Variants in ATP2C1 observed in about 807,000 individuals in gnomAD.
ATP2C1 encodes calcium-transporting ATPase type 2C member 1.
ATP2C1 carries 31 observed loss-of-function variants against 120.5 expected under a neutral mutation model. That is an observed-to-expected ratio of 0.26 (90% CI 0.19 to 0.35). The LOEUF (loss-of-function observed/expected upper bound fraction) is 0.35. ATP2C1 is among the 10% of genes least tolerant of loss of function. ATP2C1 has a pLI of 1.00. For synonymous variants in ATP2C1, 351 were observed against 358.7 expected (o/e 0.98, Z 0.24); for missense variants, 731 against 1,107.5 (o/e 0.66, Z 4.83).
chr3:130,923,962 T>C (rs762855325), intron 2 of ATP2C1, among the ~76,000 whole-genome samples: 1 of 152,068 alleles, frequency 6.6e-6, no homozygotes, highest in Non-Finnish European at 1.5e-5. Flanking sequence ...TGTGAGTCCT[T>C]CTGTGTTAGG....
intron 2 of ATP2C1, among the ~76,000 whole-genome samples, chr3:130,900,592 T>A (rs2057772916): frequency 6.6e-6 from 1 of 152,178 alleles, no homozygotes; most frequent in South Asian, 2.1e-4. Flanking sequence ...AATATGTAAA[T>A]GTGTTTTTTT....
At chr3:130,867,019 TGATG>T (rs893964235) in intron 1 of ATP2C1, among the ~76,000 whole-genome samples, 5 of 152,338 alleles carry the variant, frequency 3.3e-5, no homozygotes, top group African/African-American at 1.2e-4. Flanking sequence ...ATATCTGTTA[TGATG>T]ACCTGTGGTA....
Position 130,894,667 on chromosome 3 carries a change from G to A in ATP2C1, c.-103G>A, listed in dbSNP as rs1023383513. 5.0e-6 allele frequency: 8 copies of A among 1,610,876 alleles called. No individual in the cohort carries two copies. Among genetic ancestry groups the A allele is most frequent in the Non-Finnish European group, 5.9e-6 (7 of 1,177,930 alleles). ...GGGGTGACAGCCTGGGATTCCGGGG[G>A]CTTCTCTTCCTTGTCCTCCTCCTCT... On this transcript the variant is annotated 5_prime_UTR_variant, in exon 2 of 28. Coordinates refer to ENST00000510168, the MANE Select transcript of ATP2C1 (RefSeq NM_001378687.1). This position sits in a 1 kb window ranked among gnomAD's most constrained non-coding sequence, Gnocchi z 4.5.
chr3:130,894,165 C>CCCCAA lies in ATP2C1; in HGVS notation c.-352_-351insCCAAC. The stretch of plus-strand genomic sequence containing the variant: ...CCTCTTCTCTCCCCTCCCCGCCCGC[C>CCCCAA]CTCTCTCCCTCCCTTCCTCCCTCCC... On this transcript the variant is annotated 5_prime_UTR_variant, in exon 1 of 28. Coordinates refer to ENST00000510168, the MANE Select transcript of ATP2C1 (RefSeq NM_001378687.1). The surrounding 1 kb of genome is among the most constrained non-coding windows in gnomAD (Gnocchi z 4.5). 1 of 826,310 alleles carries CCCCAA rather than the reference C, an allele frequency of 1.2e-6. No individual in the cohort carries two copies. The highest frequency in any genetic ancestry group is 1.5e-6 in the Non-Finnish European group (1 of 684,816). 51.2% of individuals were successfully genotyped at this position (826,310 alleles called of 1,614,324 possible).
At chr3:130,968,284 A>T (rs939411241) in intron 16 of ATP2C1, among the ~76,000 whole-genome samples, 8 of 152,200 alleles carry the variant, frequency 5.3e-5, no homozygotes, top group African/African-American at 1.9e-4. Flanking sequence ...GCTTATAAAG[A>T]TATTAGTTTC....
intron 17 of ATP2C1, among the ~76,000 whole-genome samples, chr3:130,972,934 T>C (rs2061394001): frequency 6.6e-6 from 1 of 151,242 alleles, no homozygotes; most frequent in African/African-American, 2.4e-5. Flanking sequence ...TAGAGAAAGG[T>C]AGTGGCAGAT....
intron 17 of ATP2C1, among the ~76,000 whole-genome samples, chr3:130,970,916 C>G (rs2061283789): frequency 5.3e-5 from 8 of 152,012 alleles, no homozygotes; most frequent in Admixed American, 5.2e-4. Context: ...CTTCCAGGAA[C>G]TATGTTCATG....
chr3:130,886,961 T>G (rs142403667), intron 1 of ATP2C1, among the ~76,000 whole-genome samples: 1 of 152,312 alleles, frequency 6.6e-6, no homozygotes, highest in East Asian at 1.9e-4. Flanking sequence ...TGGACTTGTT[T>G]GTGCCCATCC....
At chr3:130,974,420 C>T (rs967651898) in intron 17 of ATP2C1, among the ~76,000 whole-genome samples, 1 of 152,312 alleles carries the variant, frequency 6.6e-6, no homozygotes, top group East Asian at 1.9e-4. Context: ...AAATTGTGCA[C>T]TGGCACCTAC....
chr3:131,008,003 G>C (rs540779414), downstream of ATP2C1, among the ~76,000 whole-genome samples: 3 of 152,324 alleles, frequency 2.0e-5, no homozygotes, highest in South Asian at 6.2e-4. Flanking sequence ...GATTGCATTA[G>C]ATTTTGTAAG....
intron 1 of ATP2C1, among the ~76,000 whole-genome samples, chr3:130,854,574 C>T (rs1053844777): frequency 6.6e-6 from 1 of 152,172 alleles, no homozygotes; most frequent in African/African-American, 2.4e-5. Flanking sequence ...TCAAGCGGGA[C>T]ACTGAGTGTG....
chr3:130,986,184 C>CTTT (rs34877609), intron 20 of ATP2C1, among the ~76,000 whole-genome samples: 8,148 of 135,000 alleles, frequency 0.06, 335 homozygotes, highest in Middle Eastern at 0.08. Flanking sequence ...TTGAATAGGG[C>CTTT]TTTTTTTTTT....
intron 8 of ATP2C1, 95 bp downstream of exon 8, chr3:130,941,794 T>G (rs1374567189): frequency 9.4e-7 from 1 of 1,067,762 alleles, no homozygotes; most frequent in Admixed American, 1.9e-5. Context: ...CATAGTTGAT[T>G]TGAACCATTT....
Position 130,993,369 on chromosome 3 carries a change from G to A in ATP2C1, c.1890+368G>A, listed in dbSNP as rs139651161. Among the ~76,000 whole-genome samples, 107 of 152,294 alleles carry A rather than the reference G, an allele frequency of 7.0e-4. 1 individual carries two copies. The highest frequency in any genetic ancestry group is 2.4e-3 in the African/African-American group (98 of 41,570). Reference sequence around the variant, plus strand: ...GTGACAGTGTGAACAGTGCTTAAAAGGCTATGATTATTTATATTAATTAGT... The same window carrying A: ...GTGACAGTGTGAACAGTGCTTAAAAAGCTATGATTATTTATATTAATTAGT... On this transcript the variant is annotated intron_variant, in intron 21 of 27. Transcript: ENST00000510168.
chr3:130,886,861 T>C (rs1362221513), intron 1 of ATP2C1, among the ~76,000 whole-genome samples: 2 of 152,214 alleles, frequency 1.3e-5, no homozygotes, highest in Non-Finnish European at 2.9e-5. Context: ...ATTTAGTTCA[T>C]TTAGTGAGGT....
intron 1 of ATP2C1, among the ~76,000 whole-genome samples, chr3:130,867,526 G>A (rs2685192): frequency 0.17 from 25,496 of 145,948 alleles, 2,066 homozygotes; most frequent in Middle Eastern, 0.23. Flanking sequence ...TCCTAACCGC[G>A]AGTGATCCGC....
chr3:130,998,195 C>T, intron 25 of ATP2C1, 99 bp from the exon 26 acceptor site: 1 of 806,438 alleles, frequency 1.2e-6, no homozygotes. Context: ...AAAGTTATTT[C>T]TTCCTAATGG....
At chr3:130,857,651 G>A (rs2067885227) in intron 1 of ATP2C1, among the ~76,000 whole-genome samples, 1 of 152,140 alleles carries the variant, frequency 6.6e-6, no homozygotes, top group South Asian at 2.1e-4. Flanking sequence ...GCTTCCATTT[G>A]CTTTTTGGAT....
At chr3:130,937,795 G>A (rs1485208122) in intron 6 of ATP2C1, among the ~76,000 whole-genome samples, 1 of 152,064 alleles carries the variant, frequency 6.6e-6, no homozygotes, top group African/African-American at 2.4e-5. Flanking sequence ...TAAAAAATTG[G>A]ACCAGAGTTT....
Sources: allele counts gnomAD v4.1 joint callset (sites outside exome capture counted in the v4.1 genomes callset), GRCh38; gene constraint gnomAD v4.1.1; non-coding constraint Gnocchi (gnomAD v3.1); transcripts MANE v1.5; gene names NCBI Gene and HGNC (gene_info 2026-07-23, HGNC 2026-07-21).